The following CD82 variants were observed in gnomAD, a reference collection of about 807,000 sequenced individuals.
The protein encoded by CD82 is CD82 antigen.
Under a neutral mutation model 37.4 loss-of-function variants are expected in CD82, and 36 were observed. The observed-to-expected ratio is 0.96, with a 90% CI of 0.74 to 1.27. The LOEUF is 1.27. Among genes scored for constraint, CD82 ranks in the 50% most tolerant of loss-of-function variants. The pLI, the probability that CD82 is intolerant of heterozygous loss-of-function variation, is 0.00. For missense variants in CD82, 340 were observed against 347.0 expected (o/e 0.98, Z 0.16); for synonymous variants, 158 against 137.4 (o/e 1.15, Z -1.05).
chr11:44,581,642 G>A (rs1852980655), intron 1 of CD82, among the ~76,000 whole-genome samples: 1 of 152,206 alleles, frequency 6.6e-6, no homozygotes, highest in Admixed American at 6.5e-5. Flanking sequence ...TCCAGCTCCG[G>A]GCCAACCTGG....
intron 1 of CD82, among the ~76,000 whole-genome samples, chr11:44,581,097 C>T (rs1852972678): frequency 6.6e-6 from 1 of 152,198 alleles, no homozygotes; most frequent in South Asian, 2.1e-4. Flanking sequence ...CCTAATGTCA[C>T]CCCAGAGTGT....
intron 1 of CD82, among the ~76,000 whole-genome samples, chr11:44,578,370 C>A (rs1470243142): frequency 6.6e-6 from 1 of 152,180 alleles, no homozygotes; most frequent in Non-Finnish European, 1.5e-5. Flanking sequence ...CTGTCTGAGA[C>A]CACGATGGTG....
chr11:44,618,120 G>C, intron 7 of CD82, 42 bp from the exon 8 acceptor site: 1 of 1,590,722 alleles, frequency 6.3e-7, no homozygotes, highest in South Asian at 1.1e-5. Flanking sequence ...CCTGCCTAGG[G>C]TGAGCCGTGA....
At chr11:44,593,350 C>A (rs1853172709) in intron 2 of CD82, among the ~76,000 whole-genome samples, 1 of 152,242 alleles carries the variant, frequency 6.6e-6, no homozygotes, top group Admixed American at 6.5e-5. Flanking sequence ...GCCGTCCCCT[C>A]CACCCCCCCA....
At chr11:44,601,877 C>T (rs1853314389) in intron 4 of CD82, among the ~76,000 whole-genome samples, 1 of 152,272 alleles carries the variant, frequency 6.6e-6, no homozygotes, top group African/African-American at 2.4e-5. Context: ...GATCCTCTTG[C>T]CTGGTCACTA....
At chr11:44,588,209 G>GT (rs1554966288) in intron 2 of CD82, among the ~76,000 whole-genome samples, 81,885 of 145,896 alleles carry the variant, frequency 0.56, 22,883 homozygotes, top group Non-Finnish European at 0.62. Flanking sequence ...GGATTTTGGG[G>GT]TTTTTTTTTT....
At chr11:44,590,568 G>A (rs560686934) in intron 2 of CD82, among the ~76,000 whole-genome samples, 1 of 115,904 alleles carries the variant, frequency 8.6e-6, no homozygotes, top group African/African-American at 3.2e-5. Context: ...CCAAGATTGT[G>A]CCTCTGCCCT....
intron 2 of CD82, among the ~76,000 whole-genome samples, chr11:44,594,171 G>A (rs1261360755): frequency 6.6e-6 from 1 of 152,130 alleles, no homozygotes; most frequent in Non-Finnish European, 1.5e-5. Context: ...TTTCTGAGAA[G>A]CCAAAATTCC....
chr11:44,615,246 C>G (rs368058630), intron 6 of CD82, 26 bp from the exon 7 acceptor site: 42 of 1,513,550 alleles, frequency 2.8e-5, no homozygotes, highest in Non-Finnish European at 3.8e-5. Flanking sequence ...GAAATCTGAC[C>G]CTGACCTTTG....
chr11:44,615,974 C>G (rs749647601), intron 7 of CD82, among the ~76,000 whole-genome samples: 19 of 152,146 alleles, frequency 1.2e-4, no homozygotes, highest in Admixed American at 2.6e-4. Flanking sequence ...ATAGACTGAC[C>G]AGGTTCCCAG....
At position 44,578,555 on chromosome 11, in the gene CD82, A is replaced by T. The variant is rs544236370; in HGVS notation, c.-102-8920A>T. 2.0e-5 allele frequency among the ~76,000 whole-genome samples: 3 copies of T among 151,996 alleles called. No individual in the cohort carries two copies. In the South Asian group the frequency reaches 6.2e-4, roughly 32 times the overall value. On this transcript the variant is annotated intron_variant, in intron 1 of 9. Transcript: ENST00000227155. ...ACTTCCCTTTATTGTGTGTTTTGCT[A>T]CTCAAACCACACACCTCCCTCTAGG...
intron 1 of CD82, chr11:44,585,316 T>C (rs1338682394): frequency 4.4e-6 from 2 of 456,334 alleles, no homozygotes; most frequent in Non-Finnish European, 8.8e-6. Flanking sequence ...ATCTGACATT[T>C]ACTGGGTGCC....
chr11:44,605,980 C>T (rs989769802), intron 6 of CD82, among the ~76,000 whole-genome samples: 6 of 152,212 alleles, frequency 3.9e-5, no homozygotes, highest in African/African-American at 1.4e-4. Context: ...AGACTTACAG[C>T]GGCTTAAAGT....
Position 44,620,353 on chromosome 11 carries a change from A to T in CD82, c.*1227A>T, listed in dbSNP as rs1015773902. On this transcript the variant is annotated 3_prime_UTR_variant, in exon 10 of 10. Coordinates refer to ENST00000227155, the MANE Select transcript of CD82 (RefSeq NM_002231.4). Reference sequence around the variant, plus strand: ...ATTCTAAGACTATTAAAGAGGATTTATAACAGTCTAGTCTGGAATGGTAGG... The same window carrying T: ...ATTCTAAGACTATTAAAGAGGATTTTTAACAGTCTAGTCTGGAATGGTAGG... The T allele has an allele frequency of 6.6e-6, 1 of 152,276 alleles. No homozygotes were observed. Among genetic ancestry groups the T allele is most frequent in the African/African-American group, 2.4e-5 (1 of 41,428 alleles). The allele number at this position is 152,276 out of a possible 1,614,324, so 9.4% of individuals were successfully genotyped here. A position where few individuals can be genotyped will look rare whatever the true frequency, so the allele number is the denominator to read the frequency against.
chr11:44,565,495 G>A (rs1190977246), upstream of CD82: 3 of 151,926 alleles, frequency 2.0e-5, no homozygotes, highest in Admixed American at 2.0e-4. Context: ...GTTGGGGTAC[G>A]GCCATAGTGG....
chr11:44,571,721 T>C (rs906025972), intron 1 of CD82, among the ~76,000 whole-genome samples: 7 of 152,130 alleles, frequency 4.6e-5, no homozygotes, highest in Non-Finnish European at 1.0e-4. Context: ...ATTTCAGGCA[T>C]GCACCACCAC....
chr11:44,565,946 C>G (rs1480780210), intron 1 of CD82: 1 of 152,176 alleles, frequency 6.6e-6, no homozygotes, highest in African/African-American at 2.4e-5. Flanking sequence ...ATCCTGGGTC[C>G]GTCCCTCTAC....
chr11:44,587,753 C>G (rs1853078099), intron 2 of CD82, 197 bp downstream of exon 2: 1 of 377,278 alleles, frequency 2.7e-6, no homozygotes, highest in Non-Finnish European at 5.4e-6. Context: ...GGCTCGGCAG[C>G]AGGTCCTGGC....
chr11:44,617,686 TC>T (rs1462409644), intron 7 of CD82, among the ~76,000 whole-genome samples: 2 of 152,216 alleles, frequency 1.3e-5, no homozygotes, highest in Admixed American at 1.3e-4. Context: ...GAACGGCCTT[TC>T]CTAAGCTTAT....
Sources: allele counts gnomAD v4.1 joint callset (sites outside exome capture counted in the v4.1 genomes callset), GRCh38; gene constraint gnomAD v4.1.1; transcripts MANE v1.5; gene names NCBI Gene and HGNC (gene_info 2026-07-23, HGNC 2026-07-21).